Variants in FYCO1 observed in about 807,000 individuals in gnomAD.
FYCO1 encodes FYVE and coiled-coil domain autophagy adaptor 1.
FYCO1 carries 122 observed loss-of-function variants against 165.1 expected under a neutral mutation model. The observed-to-expected ratio is 0.74, with a 90% confidence interval of 0.64 to 0.86. The LOEUF (loss-of-function observed/expected upper bound fraction) is 0.86. Ranked by LOEUF, FYCO1 falls within the 40% of genes least tolerant of loss-of-function variation. FYCO1 has a pLI of 0.00. For synonymous variants in FYCO1, 648 were observed against 742.5 expected (o/e 0.87, Z 2.07); for missense variants, 1,702 against 1,810.3 (o/e 0.94, Z 1.09).
At chr3:45,973,611 T>C (rs1197796733) in intron 5 of FYCO1, among the ~76,000 whole-genome samples, 1 of 152,212 alleles carries the variant, frequency 6.6e-6, no homozygotes, top group Non-Finnish European at 1.5e-5. Flanking sequence ...CTAAACTCAC[T>C]GCTAATTTCT....
chr3:45,955,473 T>C (rs1575357111), intron 13 of FYCO1, 80 bp from the exon 14 acceptor site: 3 of 1,512,338 alleles, frequency 2.0e-6, no homozygotes, highest in South Asian at 2.2e-5. Context: ...CTTGGGAAAG[T>C]GAGAGAGTGC....
chr3:45,983,121 C>T (rs1012384748), intron 2 of FYCO1, among the ~76,000 whole-genome samples: 1 of 152,194 alleles, frequency 6.6e-6, no homozygotes, highest in Non-Finnish European at 1.5e-5. Context: ...TGGGTGTTAT[C>T]ATCAAACCCA....
chr3:45,925,464 C>T (rs1221467226), intron 16 of FYCO1, among the ~76,000 whole-genome samples: 3 of 152,128 alleles, frequency 2.0e-5, no homozygotes, highest in Non-Finnish European at 2.9e-5. Flanking sequence ...TTCAGAAATA[C>T]AATTTTTATT....
chr3:45,940,758 T>C (rs1303175622), intron 14 of FYCO1, among the ~76,000 whole-genome samples: 1 of 152,192 alleles, frequency 6.6e-6, no homozygotes, highest in East Asian at 1.9e-4. Flanking sequence ...TCTCTCCCTC[T>C]GCCTTAAGCC....
intron 6 of FYCO1, among the ~76,000 whole-genome samples, chr3:45,972,194 A>G (rs552876863): frequency 6.6e-6 from 1 of 152,302 alleles, no homozygotes; most frequent in Admixed American, 6.5e-5. Context: ...GGTGGCTCAC[A>G]CCTGTAATCC....
At chr3:45,949,924 C>T (rs1460829119) in intron 14 of FYCO1, among the ~76,000 whole-genome samples, 1 of 152,202 alleles carries the variant, frequency 6.6e-6, no homozygotes, top group Non-Finnish European at 1.5e-5. Context: ...TGTCAGTTTA[C>T]CAACCCCTTC....
Position 45,975,233 on chromosome 3 carries a change from A to G in FYCO1, c.395+6T>C. ...ATCCCAAACCCCAGCCCTGTCCTGT[A>G]TTTACCTGGTCACTTTGGTGTTCAT... On this transcript the variant is annotated splice_donor_region_variant and intron_variant, in intron 5 of 17. Transcript: ENST00000296137. The G allele has an allele frequency of 1.9e-6, 3 of 1,596,536 alleles. No homozygotes were observed. The highest frequency in any genetic ancestry group is 2.6e-6 in the Non-Finnish European group (3 of 1,164,022).
At chr3:45,994,702 G>A (rs1362222467) in intron 1 of FYCO1, among the ~76,000 whole-genome samples, 1 of 151,908 alleles carries the variant, frequency 6.6e-6, no homozygotes, top group African/African-American at 2.4e-5. Flanking sequence ...CAGATGGCAG[G>A]GGAATTAAGC....
intron 17 of FYCO1, 76 bp from the exon 18 acceptor site, chr3:45,921,916 C>G: frequency 1.1e-6 from 1 of 908,180 alleles, no homozygotes; most frequent in East Asian, 2.5e-5. Flanking sequence ...GCTGCTGAGG[C>G]CTCTGTGGTC....
intron 6 of FYCO1, 125 bp from the exon 7 acceptor site, chr3:45,969,890 G>T (rs1391413054): frequency 1.4e-5 from 9 of 666,224 alleles, no homozygotes; most frequent in Non-Finnish European, 2.1e-5. Flanking sequence ...ATGTAAGAAA[G>T]TCAAAGCCAA....
intron 1 of FYCO1, among the ~76,000 whole-genome samples, chr3:45,990,057 G>C (rs1707493944): frequency 6.6e-6 from 1 of 152,186 alleles, no homozygotes; most frequent in African/African-American, 2.4e-5. Context: ...CCTAGATGGG[G>C]AAAAACTACA....
chr3:45,971,848 A>G (rs1333079692), intron 6 of FYCO1, among the ~76,000 whole-genome samples: 1 of 152,228 alleles, frequency 6.6e-6, no homozygotes, highest in Non-Finnish European at 1.5e-5. Flanking sequence ...AATTTAAATG[A>G]GATCTGTAAA....
At chr3:45,941,563 C>G (rs1704227594) in intron 14 of FYCO1, among the ~76,000 whole-genome samples, 1 of 152,172 alleles carries the variant, frequency 6.6e-6, no homozygotes, top group Non-Finnish European at 1.5e-5. Flanking sequence ...AATTTTAGCC[C>G]CAAACCTGCA....
At chr3:45,930,961 G>A (rs999664237) in intron 16 of FYCO1, 110 bp downstream of exon 16, 1 of 997,088 alleles carries the variant, frequency 1.0e-6, no homozygotes, top group Non-Finnish European at 1.6e-6. Flanking sequence ...CATTCCAAGT[G>A]AGGCCTGCCC....
rs762754293 is a variant in FYCO1, at chr3:45,923,639, G to A, written c.4361+17C>T. On this transcript the variant is annotated intron_variant, in intron 17 of 17. Transcript: ENST00000296137. ...AGAGGCCTGGAGACGTGGAGCTGGT[G>A]CCTGAGGTGGCCCTACCTTGAGAAG... is the stretch of plus-strand genomic sequence containing the variant. 2.6e-6 allele frequency: 4 copies of A among 1,525,472 alleles called. No homozygotes were observed. In the African/African-American group the frequency reaches 5.5e-5, roughly 21 times the overall value. The allele number at this position is 1,525,472 out of a possible 1,614,324, so 94.5% of individuals were successfully genotyped here.
intron 14 of FYCO1, among the ~76,000 whole-genome samples, chr3:45,943,307 A>G (rs1704352070): frequency 6.6e-6 from 1 of 152,096 alleles, no homozygotes; most frequent in African/African-American, 2.4e-5. Flanking sequence ...GAATGAAGGG[A>G]GTGTGGGGTA....
chr3:45,947,303 G>A (rs372831654), intron 14 of FYCO1: 4 of 1,614,036 alleles, frequency 2.5e-6, no homozygotes, highest in African/African-American at 1.3e-5. Flanking sequence ...TGGTGACAGA[G>A]GCCATCGCAT....
chr3:45,971,657 C>G lies in FYCO1; in HGVS notation c.539+1431G>C, dbSNP rs186176790. Among the ~76,000 whole-genome samples the G allele has an allele frequency of 9.9e-5, 15 of 152,242 alleles. No homozygotes were observed. In the East Asian group the frequency reaches 2.7e-3, roughly 27 times the overall value. ...CATCAGACAAACTCAAATTAAGGAA[C>G]ATTTTACAAAATAACTGGCCTGTAT... is the stretch of plus-strand genomic sequence containing the variant. On this transcript the variant is annotated intron_variant, in intron 6 of 17. Coordinates refer to ENST00000296137, the MANE Select transcript of FYCO1 (RefSeq NM_024513.4).
At chr3:45,956,642 T>A (rs1705347042) in intron 13 of FYCO1, among the ~76,000 whole-genome samples, 1 of 152,172 alleles carries the variant, frequency 6.6e-6, no homozygotes, top group African/African-American at 2.4e-5. Context: ...GGATTGTTTT[T>A]TTTTCCATCA....
Sources: allele counts gnomAD v4.1 joint callset (sites outside exome capture counted in the v4.1 genomes callset), GRCh38; gene constraint gnomAD v4.1.1; transcripts MANE v1.5; gene names NCBI Gene and HGNC (gene_info 2026-07-23, HGNC 2026-07-21).